The following UGT3A1 variants were observed in gnomAD, a reference collection of about 807,000 sequenced individuals.
UGT3A1 encodes the protein UDP-glycosyltransferase 3A1.
In UGT3A1, 40 loss-of-function variants were observed where a neutral mutation model predicts 37.6. The observed-to-expected ratio is 1.06, with a 90% confidence interval of 0.83 to 1.38. UGT3A1 has a LOEUF of 1.38. UGT3A1 is among the 40% of genes most tolerant of loss of function. The pLI, the probability that UGT3A1 is intolerant of heterozygous loss-of-function variation, is 0.00. For missense variants in UGT3A1, 642 were observed against 634.2 expected (o/e 1.01, Z -0.13); for synonymous variants, 256 against 232.3 (o/e 1.10, Z -0.93).
chr5:35,963,007 A>G, intron 4 of UGT3A1: 1 of 697,874 alleles, frequency 1.4e-6, no homozygotes, highest in Non-Finnish European at 2.6e-6. Flanking sequence ...TTCAATGAAA[A>G]CTCAGGGTGT....
At chr5:35,971,801 C>T (rs568514259) in intron 2 of UGT3A1, among the ~76,000 whole-genome samples, 1 of 152,294 alleles carries the variant, frequency 6.6e-6, no homozygotes, top group Admixed American at 6.5e-5. Flanking sequence ...CTGCCTGTTG[C>T]TGTAGCTAAG....
At chr5:35,967,995 C>T (rs755079659) in intron 3 of UGT3A1, 24 bp downstream of exon 3, 6 of 1,555,252 alleles carry the variant, frequency 3.9e-6, no homozygotes, top group East Asian at 2.2e-5. Flanking sequence ...TGACTCTTTG[C>T]TTCATAGAAT....
At chr5:35,969,033 C>T (rs1739931501) in intron 2 of UGT3A1, among the ~76,000 whole-genome samples, 1 of 152,138 alleles carries the variant, frequency 6.6e-6, no homozygotes, top group Non-Finnish European at 1.5e-5. Flanking sequence ...GACAGTAACT[C>T]AGTGGAATAA....
At chr5:35,966,852 A>G (rs1054823414) in intron 3 of UGT3A1, among the ~76,000 whole-genome samples, 5 of 152,336 alleles carry the variant, frequency 3.3e-5, no homozygotes, top group Admixed American at 1.3e-4. Context: ...TTTAGAACTC[A>G]TGAGTGATAT....
At chr5:35,997,584 G>A (rs1273263581) in intron 1 of UGT3A1, among the ~76,000 whole-genome samples, 1 of 152,028 alleles carries the variant, frequency 6.6e-6, no homozygotes, top group Non-Finnish European at 1.5e-5. Context: ...CTGCCATTAT[G>A]CCTGGCTAAC....
At chr5:35,977,558 C>A (rs959945184) in intron 2 of UGT3A1, among the ~76,000 whole-genome samples, 1 of 152,204 alleles carries the variant, frequency 6.6e-6, no homozygotes, top group East Asian at 1.9e-4. Context: ...TTTCTAGCTC[C>A]CTCTCTCATC....
chr5:35,992,993 C>G (rs1348925835), upstream of UGT3A1, among the ~76,000 whole-genome samples: 1 of 152,082 alleles, frequency 6.6e-6, no homozygotes, highest in Non-Finnish European at 1.5e-5. Flanking sequence ...TCCTAGTGAG[C>G]TCTTAAAATT....
At chr5:35,987,487 A>G (rs1314031755) in intron 2 of UGT3A1, among the ~76,000 whole-genome samples, 1 of 152,198 alleles carries the variant, frequency 6.6e-6, no homozygotes, top group African/African-American at 2.4e-5. Flanking sequence ...GTCAAAAGCT[A>G]TTGGAACCAC....
At chr5:35,978,448 A>G (rs991240851) in intron 2 of UGT3A1, among the ~76,000 whole-genome samples, 1 of 152,204 alleles carries the variant, frequency 6.6e-6, no homozygotes, top group Non-Finnish European at 1.5e-5. Context: ...CCTCACAATC[A>G]TGGCAGAAGG....
chr5:35,981,760 A>G (rs927594443), intron 2 of UGT3A1, among the ~76,000 whole-genome samples: 3 of 152,278 alleles, frequency 2.0e-5, no homozygotes, highest in Non-Finnish European at 4.4e-5. Flanking sequence ...AGAAGTTTGC[A>G]TAAGTAAAGA....
rs187223252 is a variant in UGT3A1 at position 35,990,087 on chromosome 5, G to A, written c.94+1060C>T. Among the ~76,000 whole-genome samples, 409 of 141,402 alleles carry A rather than the reference G, an allele frequency of 2.9e-3. 2 individuals are homozygous for A. The highest frequency in any genetic ancestry group is 0.01 in the African/African-American group (380 of 36,378). 92.8% of individuals were successfully genotyped at this position (141,402 alleles called of 152,430 possible). A position where few individuals can be genotyped will look rare whatever the true frequency, so the allele number is the denominator to read the frequency against. On this transcript the variant is annotated intron_variant, in intron 1 of 6. Coordinates refer to ENST00000274278, the MANE Select transcript of UGT3A1 (RefSeq NM_152404.4). ...AGCCTGGGCGACAGAGCAAGACTCC[G>A]TCTCAAAAAAAAAAAAAAAAAGAAA...
intron 2 of UGT3A1, among the ~76,000 whole-genome samples, chr5:35,970,215 C>T (rs1426631084): frequency 6.6e-6 from 1 of 151,984 alleles, no homozygotes. Context: ...ACGGTGAAAC[C>T]CCATCTCTAC....
Position 35,973,062 on chromosome 5 carries a change from T to C in UGT3A1, c.197-4929A>G, listed in dbSNP as rs117560015. 2.8e-3 allele frequency among the ~76,000 whole-genome samples: 432 copies of C among 152,276 alleles called. 11 individuals carry two copies. The East Asian group carries it at 0.073, about 26-fold the overall frequency. On this transcript the variant is annotated intron_variant, in intron 2 of 6. Coordinates refer to ENST00000274278, the MANE Select transcript of UGT3A1 (RefSeq NM_152404.4). ...TCCTAAAAACTGAGATAGGGACATA[T>C]GGGCAGATCCTATGAATCTGGGGCT... is the stretch of plus-strand genomic sequence containing the variant.
At chr5:35,985,793 C>A (rs1374374153) in intron 2 of UGT3A1, among the ~76,000 whole-genome samples, 1 of 152,116 alleles carries the variant, frequency 6.6e-6, no homozygotes, top group African/African-American at 2.4e-5. Flanking sequence ...AGACATTGGT[C>A]TCAGCAAAGA....
chr5:35,991,467 A>T, upstream of UGT3A1: 1 of 1,361,412 alleles, frequency 7.3e-7, no homozygotes, highest in Non-Finnish European at 9.5e-7. Context: ...CTATCAAACT[A>T]CCTGAAGTCA....
At chr5:35,955,014 G>A (rs997481656) in intron 6 of UGT3A1, 1 of 159,318 alleles carries the variant, frequency 6.3e-6, no homozygotes, top group Non-Finnish European at 1.4e-5. Context: ...AAAAAAGAGA[G>A]AGACATTGCT....
rs1739264211 is a variant in UGT3A1 at position 35,954,225 on chromosome 5, C to G, written c.1549G>C (p.Ala517Pro). ...CCTCATGTCTTCTTCACCTTCCTGGCCCCACGCAGCCACCTGGCCACCACA... is the reference window on the plus strand; with the variant it reads ...CCTCATGTCTTCTTCACCTTCCTGGGCCCACGCAGCCACCTGGCCACCACA... Reference protein sequence around the residue: ...LGVVARWLRGARKVKKT With the variant: ...LGVVARWLRGPRKVKKT The change falls in exon 7 of 7, where the codon GCC (alanine) becomes CCC (proline). Residue 517 changes from alanine (A) to proline (P), a missense_variant. Coordinates refer to ENST00000274278, the MANE Select transcript of UGT3A1 (RefSeq NM_152404.4). The G allele has an allele frequency of 6.2e-6, 10 of 1,614,106 alleles. 1 individual carries two copies. The African/African-American group carries it at 8.0e-5, about 13-fold the overall frequency.
At chr5:35,993,916 AAC>A (rs1479798426), upstream of UGT3A1, among the ~76,000 whole-genome samples, 2 of 151,616 alleles carry the variant, frequency 1.3e-5, no homozygotes, top group Non-Finnish European at 2.9e-5. Context: ...TAAACAAACA[AAC>A]AAACAAACAA....
At chr5:35,969,322 C>G (rs1739941996) in intron 2 of UGT3A1, among the ~76,000 whole-genome samples, 1 of 152,122 alleles carries the variant, frequency 6.6e-6, no homozygotes, top group African/African-American at 2.4e-5. Context: ...GAAAAGCACC[C>G]ATGACAACAC....
Sources: allele counts gnomAD v4.1 joint callset (sites outside exome capture counted in the v4.1 genomes callset), GRCh38; gene constraint gnomAD v4.1.1; transcripts MANE v1.5; gene names NCBI Gene and HGNC (gene_info 2026-07-23, HGNC 2026-07-21).